POLR3K: variants seen among roughly 807,000 people sequenced by gnomAD.
POLR3K encodes DNA-directed RNA polymerase III subunit RPC10.
A neutral mutation model predicts 13.5 loss-of-function variants in POLR3K; 11 were observed. The ratio of observed to expected loss-of-function variants is 0.81; its 90% CI spans 0.51 to 1.35. POLR3K has a LOEUF of 1.35. Ranked by LOEUF, POLR3K falls within the 40% of genes most tolerant of loss-of-function variation. The pLI, the probability that POLR3K is intolerant of heterozygous loss-of-function variation, is 0.00. For missense variants in POLR3K, 144 were observed against 145.3 expected (o/e 0.99, Z 0.05); for synonymous variants, 56 against 51.5 (o/e 1.09, Z -0.38).
intron 2 of POLR3K, among the ~76,000 whole-genome samples, chr16:50,858 T>C (rs1897324829): frequency 6.6e-6 from 1 of 152,228 alleles, no homozygotes; most frequent in South Asian, 2.1e-4. Flanking sequence ...CAGTTCTGCG[T>C]GGCTGGGGAT....
rs377627408 is a variant in POLR3K, at chr16:47,922, G to A, written c.200-365C>T. Among the ~76,000 whole-genome samples, 26 of 111,052 alleles carry A rather than the reference G, an allele frequency of 2.3e-4. No homozygotes were observed. The Admixed American group carries it at 2.5e-3, about 11-fold the overall frequency. The allele number at this position is 111,052 out of a possible 152,430, so 72.9% of individuals were successfully genotyped here. On this transcript the variant is annotated intron_variant, in intron 2 of 2. Transcript: ENST00000293860. ...TTTTTTTTTTTTGAGATGGAATCTC[G>A]CAGTCACCCAGGCTGGAGTGCAGTG...
At chr16:52,764 T>TGAAAAAAAA (rs1897349350) in intron 1 of POLR3K, among the ~76,000 whole-genome samples, 1 of 41,820 alleles carries the variant, frequency 2.4e-5, no homozygotes, top group Non-Finnish European at 4.3e-5. Flanking sequence ...GGACTCCGTC[T>TGAAAAAAAA]CAAAAAAAAA....
intron 1 of POLR3K, among the ~76,000 whole-genome samples, chr16:52,598 T>A (rs1223910371): frequency 6.7e-6 from 1 of 149,594 alleles, no homozygotes; most frequent in African/African-American, 2.5e-5. Flanking sequence ...ACCCCATCTC[T>A]ACTAAAAATA....
intron 1 of POLR3K, 78 bp from the exon 2 acceptor site, chr16:51,723 A>G: frequency 8.1e-7 from 1 of 1,232,650 alleles, no homozygotes; most frequent in Non-Finnish European, 1.2e-6. Flanking sequence ...TTTCAGGATT[A>G]CATAAGAGTT....
At chr16:53,273 CA>C (rs1310739760) in intron 1 of POLR3K, 2 of 1,064,930 alleles carry the variant, frequency 1.9e-6, no homozygotes, top group African/African-American at 3.3e-5. Flanking sequence ...AGCGTGGGAG[CA>C]GGAACCCAAG....
chr16:50,093 G>T (rs1812644615), intron 2 of POLR3K, among the ~76,000 whole-genome samples: 1 of 152,058 alleles, frequency 6.6e-6, no homozygotes, highest in Non-Finnish European at 1.5e-5. Flanking sequence ...CGAGTAGCTG[G>T]GATTACAGGT....
At position 51,542 on chromosome 16, in the gene POLR3K, C is replaced by T. The variant is rs1897330478; in HGVS notation, c.199+16G>A. ...ATTATCCACAGTTTAGCAACAGAAACAGTTTTCCCTCTTACCTGCAGTAGA... is the reference window on the plus strand; with the variant it reads ...ATTATCCACAGTTTAGCAACAGAAATAGTTTTCCCTCTTACCTGCAGTAGA... On this transcript the variant is annotated intron_variant, in intron 2 of 2. Coordinates refer to ENST00000293860, the MANE Select transcript of POLR3K (RefSeq NM_016310.5). The T allele has an allele frequency of 1.9e-6, 3 of 1,602,622 alleles. No homozygotes were observed. The Admixed American group carries it at 5.0e-5, about 27-fold the overall frequency.
chr16:52,951 G>C (rs1461223957), intron 1 of POLR3K: 1 of 153,806 alleles, frequency 6.5e-6, no homozygotes, highest in Non-Finnish European at 1.4e-5. Context: ...GTAAGGTGGC[G>C]ATCTAGGGGA....
In POLR3K at chr16:46,750, A is replaced by C. The variant is rs2141832411; in HGVS notation, c.*680T>G. The C allele has an allele frequency of 6.6e-6, 1 of 151,640 alleles. No homozygotes were observed. Among genetic ancestry groups the C allele is most frequent in the African/African-American group, 2.4e-5 (1 of 41,376 alleles). 9.4% of individuals were successfully genotyped at this position (151,640 alleles called of 1,614,324 possible). A position where few individuals can be genotyped will look rare whatever the true frequency, so the allele number is the denominator to read the frequency against. On this transcript the variant is annotated 3_prime_UTR_variant, in exon 3 of 3. Transcript: ENST00000293860. Reference sequence around the variant, plus strand: ...AATAAATAAATAAATAAATAAAATAAATAAATAAATAAATAGTATCTTATA... The same window carrying C: ...AATAAATAAATAAATAAATAAAATACATAAATAAATAAATAGTATCTTATA...
At position 46,588 on chromosome 16, in the gene POLR3K, G is replaced by C. The variant is rs1020656052; in HGVS notation, c.*842C>G. ...AAAAATGCAAAATTACCCAGGTGTGGTGGTGCATGCCTGTAGTCCCAGCTG... is the reference window on the plus strand; with the variant it reads ...AAAAATGCAAAATTACCCAGGTGTGCTGGTGCATGCCTGTAGTCCCAGCTG... On this transcript the variant is annotated 3_prime_UTR_variant, in exon 3 of 3. Coordinates refer to ENST00000293860, the MANE Select transcript of POLR3K (RefSeq NM_016310.5). The C allele has an allele frequency of 1.3e-5, 2 of 152,052 alleles. No individual in the cohort carries two copies. The highest frequency in any genetic ancestry group is 4.8e-5 in the African/African-American group (2 of 41,392). The allele number at this position is 152,052 out of a possible 1,614,324, so 9.4% of individuals were successfully genotyped here.
chr16:47,836 G>A (rs1161986586), intron 2 of POLR3K, among the ~76,000 whole-genome samples: 3 of 114,194 alleles, frequency 2.6e-5, no homozygotes, highest in Non-Finnish European at 3.4e-5. Flanking sequence ...AGCCAAGATC[G>A]TGCCACTGCA....
Position 47,251 on chromosome 16 carries a change from C to A in POLR3K, c.*179G>T. On this transcript the variant is annotated 3_prime_UTR_variant, in exon 3 of 3. Transcript: ENST00000293860. ...AAAAACTCCCAGACATTCATGACTT[C>A]ATCCACCCTGCCTGGCAGATAGGCC... 1.5e-6 allele frequency: 1 copy of A among 675,320 alleles called. No individual in the cohort carries two copies. The highest frequency in any genetic ancestry group is 2.2e-6 in the Non-Finnish European group (1 of 445,746). 41.8% of individuals were successfully genotyped at this position (675,320 alleles called of 1,614,324 possible).
Position 47,203 on chromosome 16 carries a change from G to A in POLR3K, c.*227C>T, listed in dbSNP as rs370316599. The A allele has an allele frequency of 7.5e-6, 3 of 398,062 alleles. No individual in the cohort carries two copies. The highest frequency in any genetic ancestry group is 7.1e-5 in the South Asian group (2 of 28,182). The allele number at this position is 398,062 out of a possible 1,614,324, so 24.7% of individuals were successfully genotyped here. On this transcript the variant is annotated 3_prime_UTR_variant, in exon 3 of 3. Transcript: ENST00000293860. ...TTACACAGAGCATATTTAGTTATGG[G>A]TCTCTGTCTCCTCCCCACACAGAAA...
intron 1 of POLR3K, chr16:51,871 T>C: frequency 2.5e-6 from 1 of 395,580 alleles, no homozygotes; most frequent in Admixed American, 4.2e-5. Flanking sequence ...ATACAAAAAA[T>C]TAGCCCGGCG....
chr16:48,703 C>T (rs973177951), intron 2 of POLR3K, among the ~76,000 whole-genome samples: 74 of 150,004 alleles, frequency 4.9e-4, no homozygotes, highest in Non-Finnish European at 8.3e-4. Context: ...CCCAGCTACT[C>T]GGGAGGCTGA....
intron 1 of POLR3K, chr16:53,178 A>G: frequency 5.4e-6 from 2 of 373,356 alleles, no homozygotes; most frequent in Non-Finnish European, 4.6e-6. Flanking sequence ...GAAGAGCCGA[A>G]GGTTTCTGCG....
intron 2 of POLR3K, among the ~76,000 whole-genome samples, chr16:50,950 G>A (rs1406592969): frequency 6.6e-6 from 1 of 152,172 alleles, no homozygotes; most frequent in Admixed American, 6.5e-5. Flanking sequence ...CAGGGGAAAC[G>A]CAAACGCTTA....
At chr16:48,213 A>G (rs1022386929) in intron 2 of POLR3K, among the ~76,000 whole-genome samples, 2 of 151,984 alleles carry the variant, frequency 1.3e-5, no homozygotes, top group Non-Finnish European at 2.9e-5. Context: ...TAAAGATGGT[A>G]AAGAACCTCC....
Position 51,596 on chromosome 16 carries a change from C to T in POLR3K, c.161G>A (p.Gly54Asp), listed in dbSNP as rs1330487965. The change falls in exon 2 of 3, where the codon GGT becomes GAT. Residue 54 changes from glycine to aspartate, a missense_variant. Physicochemically the swap from Gly to Asp is moderately conservative, Grantham distance 94. Transcript: ENST00000293860. ...PKLKEVDDVL[G>D]GAAAWENVDS... ...AACATTCTCCCAGGCAGCTGCTCCACCAAGCACATCATCCACTTCTTTCAG... is the reference window on the plus strand; with the variant it reads ...AACATTCTCCCAGGCAGCTGCTCCATCAAGCACATCATCCACTTCTTTCAG... The T allele has an allele frequency of 6.2e-7, 1 of 1,614,178 alleles. No individual in the cohort carries two copies. Among genetic ancestry groups the T allele is most frequent in the Admixed American group, 1.7e-5 (1 of 60,032 alleles).
Sources: allele counts gnomAD v4.1 joint callset (sites outside exome capture counted in the v4.1 genomes callset), GRCh38; gene constraint gnomAD v4.1.1; transcripts MANE v1.5; gene names NCBI Gene and HGNC (gene_info 2026-07-23, HGNC 2026-07-21).